TMPRSS13: variants seen among roughly 807,000 people sequenced by gnomAD.
TMPRSS13 encodes the protein transmembrane serine protease 13, also known as transmembrane protease serine 13.
Under a neutral mutation model 68.4 loss-of-function variants are expected in TMPRSS13, and 50 were observed. The ratio of observed to expected loss-of-function variants is 0.73; its 90% CI spans 0.58 to 0.93. The LOEUF is 0.93. Ranked by LOEUF, TMPRSS13 falls within the 40% of genes least tolerant of loss-of-function variation. The pLI is 0.00. For missense variants in TMPRSS13, 615 were observed against 729.2 expected (o/e 0.84, Z 1.80); for synonymous variants, 267 against 285.8 (o/e 0.93, Z 0.66).
chr11:117,903,859 G>A (rs754786360), intron 11 of TMPRSS13, 52 bp from the exon 12 acceptor site: 23 of 1,597,820 alleles, frequency 1.4e-5, no homozygotes, highest in South Asian at 1.0e-4. Context: ...GTCCATGAGC[G>A]GGAAAGGGTG....
At chr11:117,904,861 T>TTATATACATATA (rs2057447438) in intron 10 of TMPRSS13, among the ~76,000 whole-genome samples, 2 of 100,672 alleles carry the variant, frequency 2.0e-5, no homozygotes, top group Non-Finnish European at 4.4e-5. Context: ...CTAGATAAGA[T>TTATATACATATA]TATATATATA....
intron 1 of TMPRSS13, among the ~76,000 whole-genome samples, chr11:117,925,221 G>A (rs1321194633): frequency 1.3e-5 from 2 of 152,150 alleles, no homozygotes; most frequent in Non-Finnish European, 1.5e-5. Context: ...TTCATACAGC[G>A]GAGTCAACAT....
At chr11:117,906,598 C>A (rs566967019) in intron 9 of TMPRSS13, among the ~76,000 whole-genome samples, 1 of 152,276 alleles carries the variant, frequency 6.6e-6, no homozygotes, top group East Asian at 1.9e-4. Context: ...ATTTTAAATT[C>A]TTCTCCCATA....
intron 12 of TMPRSS13, chr11:117,903,072 C>T: frequency 8.8e-7 from 1 of 1,139,578 alleles, no homozygotes; most frequent in Non-Finnish European, 1.1e-6. Flanking sequence ...ACTTTATACT[C>T]TTTTATGATA....
intron 12 of TMPRSS13, chr11:117,903,202 A>G: frequency 7.2e-7 from 1 of 1,381,118 alleles, no homozygotes; most frequent in East Asian, 2.6e-5. Context: ...TTGTGTTTTT[A>G]AAAAAAGACA....
At chr11:117,920,959 G>A (rs2057639500) in intron 1 of TMPRSS13, among the ~76,000 whole-genome samples, 1 of 152,186 alleles carries the variant, frequency 6.6e-6, no homozygotes, top group Admixed American at 6.5e-5. Context: ...CCTTCCCCCA[G>A]ATAAATGGGT....
chr11:117,921,776 T>G (rs967370575), intron 1 of TMPRSS13, among the ~76,000 whole-genome samples: 1 of 152,166 alleles, frequency 6.6e-6, no homozygotes, highest in African/African-American at 2.4e-5. Context: ...GGAAAGTGGC[T>G]GGACCCCAAG....
chr11:117,926,011 G>A (rs961390704), intron 1 of TMPRSS13, among the ~76,000 whole-genome samples: 1 of 151,848 alleles, frequency 6.6e-6, no homozygotes, highest in African/African-American at 2.4e-5. Context: ...GGGGCACAGG[G>A]CAGGTACCAG....
chr11:117,910,679 C>A, intron 7 of TMPRSS13, 28 bp downstream of exon 7: 1 of 1,601,160 alleles, frequency 6.2e-7, no homozygotes, highest in Non-Finnish European at 8.5e-7. Context: ...ACGACACTGG[C>A]CACAATCCAA....
intron 5 of TMPRSS13, among the ~76,000 whole-genome samples, chr11:117,912,208 A>G (rs1212318532): frequency 6.6e-6 from 1 of 152,188 alleles, no homozygotes; most frequent in African/African-American, 2.4e-5. Context: ...AGCGATCACC[A>G]TTTTAACAGG....
chr11:117,919,970 G>A (rs2057626621), intron 1 of TMPRSS13, among the ~76,000 whole-genome samples: 1 of 152,212 alleles, frequency 6.6e-6, no homozygotes, highest in African/African-American at 2.4e-5. Flanking sequence ...GGAACACCTT[G>A]GGAACCTGGG....
Position 117,922,224 on chromosome 11 carries a change from C to A in TMPRSS13, c.22-3386G>T, listed in dbSNP as rs781723665. Among the ~76,000 whole-genome samples the A allele has an allele frequency of 6.6e-6, 1 of 152,076 alleles. No homozygotes were observed. The highest frequency in any genetic ancestry group is 1.5e-5 in the Non-Finnish European group (1 of 68,010). On this transcript the variant is annotated intron_variant, in intron 1 of 12. Coordinates refer to ENST00000524993, the MANE Select transcript of TMPRSS13 (RefSeq NM_001077263.3). The surrounding 1 kb of genome is among the most constrained non-coding windows in gnomAD (Gnocchi z 4.2). ...GCTGGGGAATAGGAAGGGGAGGAGA[C>A]TACTTGTTTGTTTGTTGTTTGTTTG...
rs543141399 is a variant in TMPRSS13, at chr11:117,907,008, T to C, written c.1283-1272A>G. Among the ~76,000 whole-genome samples the C allele has an allele frequency of 2.0e-3, 303 of 152,260 alleles. 2 individuals carry two copies. The highest frequency in any genetic ancestry group is 3.4e-3 in the Non-Finnish European group (231 of 68,022). On this transcript the variant is annotated intron_variant, in intron 9 of 12. Transcript: ENST00000524993. Reference sequence around the variant, plus strand: ...GGTCTGCTTCCTGCCCAAAAGCCTATTGGAGCCTGGAGGGAGACTATTACG... The same window carrying C: ...GGTCTGCTTCCTGCCCAAAAGCCTACTGGAGCCTGGAGGGAGACTATTACG...
chr11:117,917,034 G>C, intron 3 of TMPRSS13, 136 bp downstream of exon 3: 1 of 731,292 alleles, frequency 1.4e-6, no homozygotes, highest in South Asian at 1.7e-5. Context: ...CCATTTGCAG[G>C]AGTGTCCCTC....
At chr11:117,920,178 G>A (rs535847517) in intron 1 of TMPRSS13, among the ~76,000 whole-genome samples, 12 of 152,264 alleles carry the variant, frequency 7.9e-5, no homozygotes, top group Admixed American at 2.6e-4. Context: ...GGGCGCCCCA[G>A]GCAAGTGACT....
intron 1 of TMPRSS13, 57 bp from the exon 2 acceptor site, chr11:117,918,895 T>G: frequency 3.8e-6 from 6 of 1,599,936 alleles, no homozygotes; most frequent in Non-Finnish European, 5.1e-6. Context: ...CCACCCCAGC[T>G]GTCAGCTGTG....
rs142781661 is a variant in TMPRSS13, at chr11:117,916,422, C to A, written c.556+748G>T. Among the ~76,000 whole-genome samples, 306 of 152,384 alleles carry A rather than the reference C, an allele frequency of 2.0e-3. 4 individuals are homozygous for A. The highest frequency in any genetic ancestry group is 6.9e-3 in the African/African-American group (287 of 41,588). On this transcript the variant is annotated intron_variant, in intron 3 of 12. Transcript: ENST00000524993. ...GTAAGAAGCTATCCCCTGCATCCAA[C>A]CCACACAGCTGTCATCCCCTCCTCA...
chr11:117,929,275 G>A lies in TMPRSS13; in HGVS notation c.21+12C>T. The A allele has an allele frequency of 6.2e-7, 1 of 1,602,800 alleles. No homozygotes were observed. The highest frequency in any genetic ancestry group is 8.5e-7 in the Non-Finnish European group (1 of 1,175,124). ...TGGGAGAATCTGGCCCGAGGCCTGA[G>A]GTCACACTCACCCCGTGGCTGTCCC... On this transcript the variant is annotated intron_variant, in intron 1 of 12. Transcript: ENST00000524993.
At chr11:117,906,983 G>C (rs965884951) in intron 9 of TMPRSS13, among the ~76,000 whole-genome samples, 1 of 152,124 alleles carries the variant, frequency 6.6e-6, no homozygotes, top group African/African-American at 2.4e-5. Context: ...TCAGACTAAG[G>C]GTCTGCTTCC....
Sources: gnomAD v4.1 joint callset for allele counts (sites outside exome capture counted in the v4.1 genomes callset) on GRCh38, gnomAD v4.1.1 for gene constraint, Gnocchi (gnomAD v3.1) non-coding constraint, MANE v1.5 for transcripts, NCBI Gene and HGNC (gene_info 2026-07-23, HGNC 2026-07-21) for gene names.